ATP8A1: variants seen among roughly 807,000 people sequenced by gnomAD.
ATP8A1 encodes phospholipid-transporting ATPase IA.
A neutral mutation model predicts 177.7 loss-of-function variants in ATP8A1; 90 were observed. That is an observed-to-expected ratio of 0.51 (90% confidence interval 0.43 to 0.60). The LOEUF (loss-of-function observed/expected upper bound fraction) is 0.60, where lower values mean the gene tolerates loss of function less well. ATP8A1 is among the 20% of genes least tolerant of loss of function. The probability of loss-of-function intolerance (pLI) is 0.00; values close to 1 mark genes in which losing one functional copy is unlikely to be tolerated. For synonymous variants in ATP8A1, 493 were observed against 485.9 expected (o/e 1.01, Z -0.19); for missense variants, 1,072 against 1,392.8 (o/e 0.77, Z 3.67).
intron 14 of ATP8A1, among the ~76,000 whole-genome samples, chr4:42,570,947 T>C (rs1002675005): frequency 1.4e-4 from 22 of 152,222 alleles, no homozygotes; most frequent in African/African-American, 4.6e-4. Flanking sequence ...ATTACTTAAT[T>C]AGCATCCACT....
intron 25 of ATP8A1, chr4:42,472,053 G>A: frequency 1.4e-6 from 1 of 721,092 alleles, no homozygotes; most frequent in Admixed American, 1.8e-5. Context: ...GCTAGTACGT[G>A]AATTGGAGAA....
chr4:42,619,030 T>A (rs1351350214), intron 4 of ATP8A1, among the ~76,000 whole-genome samples: 1 of 151,850 alleles, frequency 6.6e-6, no homozygotes, highest in Non-Finnish European at 1.5e-5. Context: ...CATTTAATTC[T>A]CATTAATAGC....
chr4:42,533,482 C>T (rs370531861), intron 20 of ATP8A1, among the ~76,000 whole-genome samples: 1 of 152,144 alleles, frequency 6.6e-6, no homozygotes, highest in Non-Finnish European at 1.5e-5. Context: ...CCCATCCCCA[C>T]AGCAGCCTCA....
chr4:42,548,878 TTTTGA>T (rs1202777371), intron 19 of ATP8A1, 130 bp downstream of exon 19: 5 of 686,482 alleles, frequency 7.3e-6, no homozygotes, highest in Non-Finnish European at 1.2e-5. Context: ...GTACTAAAGA[TTTTGA>T]TTTAATATTT....
At chr4:42,545,791 T>C (rs1023318322) in intron 19 of ATP8A1, among the ~76,000 whole-genome samples, 5 of 152,248 alleles carry the variant, frequency 3.3e-5, no homozygotes, top group Admixed American at 3.3e-4. Flanking sequence ...CTGGCCAACA[T>C]GGTGAAACCC....
chr4:42,637,275 C>T (rs1739492766), intron 1 of ATP8A1: 1 of 507,734 alleles, frequency 2.0e-6, no homozygotes, highest in Admixed American at 2.0e-5. Context: ...CAGATCTCTT[C>T]TGATGTTAAC....
intron 1 of ATP8A1, among the ~76,000 whole-genome samples, chr4:42,649,700 C>T (rs528719317): frequency 1.3e-5 from 2 of 152,206 alleles, no homozygotes; most frequent in East Asian, 3.9e-4. Flanking sequence ...GTAGAGGGTA[C>T]AGCAGCGAAC....
chr4:42,487,779 A>T (rs1209973224), intron 24 of ATP8A1, among the ~76,000 whole-genome samples: 2 of 152,160 alleles, frequency 1.3e-5, no homozygotes, highest in East Asian at 3.8e-4. Flanking sequence ...GAATATCAGA[A>T]TCCTTTTACC....
In ATP8A1 at chr4:42,624,561, G is replaced by A. The variant is rs774308531; in HGVS notation, c.338C>T (p.Ala113Val). Residue 113 changes from alanine to valine, a missense_variant, in exon 4 of 37, where the codon GCT becomes GTT. This residue lies in a region of ATP8A1 where 344 missense variants were observed against 393.5 expected (regional missense o/e 0.87). Coordinates refer to ENST00000381668, the MANE Select transcript of ATP8A1 (RefSeq NM_006095.2). ...VPLLFILAVAAIKEIIEDIKR... is the reference protein window; with the variant it reads ...VPLLFILAVAVIKEIIEDIKR... ...AATATCTTCTATTATCTCTTTGATA[G>A]CTGCCACAGCTAAAATAAATAAGAG... 2 of 1,491,192 alleles carry A rather than the reference G, an allele frequency of 1.3e-6. No homozygotes were observed. The highest frequency in any genetic ancestry group is 2.4e-5 in the East Asian group (1 of 41,020). 92.4% of individuals were successfully genotyped at this position (1,491,192 alleles called of 1,614,324 possible). A position where few individuals can be genotyped will look rare whatever the true frequency, so the allele number is the denominator to read the frequency against.
rs113498539 is a variant in ATP8A1, at chr4:42,529,770, G to A, written c.1723-4923C>T. Reference sequence around the variant, plus strand: ...AGCCCCTTTCTAGGACATCCCTGAGGGACAGTGGTGAGGTGAAATCTTCCC... The same window carrying A: ...AGCCCCTTTCTAGGACATCCCTGAGAGACAGTGGTGAGGTGAAATCTTCCC... On this transcript the variant is annotated intron_variant, in intron 20 of 36. Transcript: ENST00000381668. 7.5e-3 allele frequency among the ~76,000 whole-genome samples: 1,138 copies of A among 152,276 alleles called. 8 individuals are homozygous for A. The highest frequency in any genetic ancestry group is 0.026 in the African/African-American group (1,068 of 41,558).
intron 33 of ATP8A1, among the ~76,000 whole-genome samples, chr4:42,442,950 C>T (rs139393632): frequency 2.5e-4 from 38 of 152,272 alleles, no homozygotes; most frequent in African/African-American, 8.9e-4. Flanking sequence ...GGAATCTCTT[C>T]AGAAGGAAAG....
intron 4 of ATP8A1, among the ~76,000 whole-genome samples, chr4:42,622,216 G>GAA (rs3046095): frequency 0.23 from 31,422 of 137,372 alleles, 3,841 homozygotes; most frequent in Non-Finnish European, 0.3. Context: ...TCTCTACTAG[G>GAA]AAAAAAAAAA....
chr4:42,467,593 T>C (rs932005418), intron 25 of ATP8A1, among the ~76,000 whole-genome samples: 1 of 152,152 alleles, frequency 6.6e-6, no homozygotes, highest in African/African-American at 2.4e-5. Flanking sequence ...CTCGGGAAGC[T>C]GAGTCAGGAG....
At chr4:42,419,683 T>C (rs1281754369) in intron 35 of ATP8A1, among the ~76,000 whole-genome samples, 1 of 152,196 alleles carries the variant, frequency 6.6e-6, no homozygotes, top group Non-Finnish European at 1.5e-5. Flanking sequence ...CACAATTTCT[T>C]CCCTTTTGAT....
intron 22 of ATP8A1, among the ~76,000 whole-genome samples, chr4:42,507,367 C>A (rs1456236351): frequency 6.6e-6 from 1 of 152,088 alleles, no homozygotes; most frequent in African/African-American, 2.4e-5. Context: ...AACTGTCTAA[C>A]CCAACCCCTA....
Position 42,466,940 on chromosome 4 carries a change from G to A in ATP8A1, c.2325-1864C>T, listed in dbSNP as rs528879964. On this transcript the variant is annotated intron_variant, in intron 25 of 36. Transcript: ENST00000381668. ...ATGATCTAGAATGGGAAATGGGCATGAATAGAGAGAAGCATTTGAAAGCTT... is the reference window on the plus strand; with the variant it reads ...ATGATCTAGAATGGGAAATGGGCATAAATAGAGAGAAGCATTTGAAAGCTT... Among the ~76,000 whole-genome samples, 4 of 152,310 alleles carry A rather than the reference G, an allele frequency of 2.6e-5. No homozygotes were observed. The South Asian group carries it at 8.3e-4, about 32-fold the overall frequency.
At chr4:42,461,247 TC>T (rs56727091) in intron 27 of ATP8A1, among the ~76,000 whole-genome samples, 69,890 of 124,378 alleles carry the variant, frequency 0.56, 18,553 homozygotes, top group South Asian at 0.68. Context: ...ATTTTTTCTT[TC>T]TTTTTTTTTT....
At chr4:42,597,103 T>G (rs931842973) in intron 6 of ATP8A1, among the ~76,000 whole-genome samples, 2 of 152,170 alleles carry the variant, frequency 1.3e-5, no homozygotes, top group African/African-American at 2.4e-5. Context: ...TGTGAATGAT[T>G]AGATGCATGC....
chr4:42,442,897 T>C (rs900050656), intron 33 of ATP8A1, among the ~76,000 whole-genome samples: 1 of 152,210 alleles, frequency 6.6e-6, no homozygotes, highest in Admixed American at 6.5e-5. Flanking sequence ...ATACATTTTA[T>C]GTCAAATTTC....
Sources: allele counts gnomAD v4.1 joint callset (sites outside exome capture counted in the v4.1 genomes callset), GRCh38; gene constraint gnomAD v4.1.1; regional missense constraint gnomAD v4.1.1; transcripts MANE v1.5; gene names NCBI Gene and HGNC (gene_info 2026-07-23, HGNC 2026-07-21).